MFHAS1: variants seen among roughly 807,000 people sequenced by gnomAD.
MFHAS1 encodes the protein multifunctional ROCO family signaling regulator 1.
A neutral mutation model predicts 70.4 loss-of-function variants in MFHAS1; 50 were observed. The observed-to-expected ratio is 0.71, with a 90% CI of 0.57 to 0.90. The LOEUF is 0.90. MFHAS1 is among the 40% of genes least tolerant of loss of function. MFHAS1 has a pLI of 0.00. For missense variants in MFHAS1, 1,795 were observed against 1,347.6 expected, an observed-to-expected ratio of 1.33 and a Z score of -5.20; for synonymous variants, 952 against 620.0, an observed-to-expected ratio of 1.54 and a Z score of -7.96.
chr8:8,810,607 T>C (rs767385956), intron 1 of MFHAS1, among the ~76,000 whole-genome samples: 17 of 152,212 alleles, frequency 1.1e-4, no homozygotes, highest in Non-Finnish European at 2.2e-4. Context: ...TTCTAAACAT[T>C]TTCTTTCCCC....
At chr8:8,800,027 C>G (rs1240592106) in intron 1 of MFHAS1, among the ~76,000 whole-genome samples, 1 of 152,242 alleles carries the variant, frequency 6.6e-6, no homozygotes, top group African/African-American at 2.4e-5. Context: ...GGCCCTTACT[C>G]TTTGCCCCCA....
chr8:8,890,717 C>A lies in MFHAS1; in HGVS notation c.2342G>T (p.Arg781Leu), dbSNP rs550424418. 1.1e-5 allele frequency: 18 copies of A among 1,613,566 alleles called. 1 individual carries two copies. The highest frequency in any genetic ancestry group is 1.1e-4 in the African/African-American group (8 of 75,052). Residue 781 changes from arginine (R) to leucine (L), a missense_variant, in exon 1 of 3, where the codon CGG (arginine) becomes CTG (leucine). Arg to Leu is a moderately radical substitution (Grantham distance 102). Transcript: ENST00000276282. ...CACATACTGATGGAGCTGGGTGGCC[C>A]GGAGCAGTTCCTGGCTGGGGGTGGA... ...ARSTPSQELLRATQLHQYVEG... is the reference protein window; with the variant it reads ...ARSTPSQELLLATQLHQYVEG...
In MFHAS1 at chr8:8,888,408, G is replaced by A. The variant is rs1809853200; in HGVS notation, c.2998+1653C>T. ...CATCACCCCTCCGGGTCCCCTGGGG[G>A]TGGGGACCCAGGTGAGAAACGTGCA... On this transcript the variant is annotated intron_variant, in intron 1 of 2. Coordinates refer to ENST00000276282, the MANE Select transcript of MFHAS1 (RefSeq NM_004225.3). Among the ~76,000 whole-genome samples, 10 of 152,244 alleles carry A rather than the reference G, an allele frequency of 6.6e-5. No homozygotes were observed. The South Asian group carries it at 2.1e-3, about 32-fold the overall frequency.
At chr8:8,850,906 A>T (rs545531562) in intron 1 of MFHAS1, among the ~76,000 whole-genome samples, 1 of 151,360 alleles carries the variant, frequency 6.6e-6, no homozygotes, top group East Asian at 1.9e-4. Context: ...CACTCACGTA[A>T]TCTCAGCGAT....
chr8:8,834,847 G>T (rs1237051837), intron 1 of MFHAS1, among the ~76,000 whole-genome samples: 1 of 152,156 alleles, frequency 6.6e-6, no homozygotes, highest in East Asian at 1.9e-4. Flanking sequence ...GGCCCCCAGT[G>T]AACTCACAGA....
At chr8:8,794,260 G>GT (rs1563176566) in intron 2 of MFHAS1, among the ~76,000 whole-genome samples, 1 of 152,152 alleles carries the variant, frequency 6.6e-6, no homozygotes, top group East Asian at 1.9e-4. Context: ...TTGAAAGCCA[G>GT]TGCAATAGCC....
intron 1 of MFHAS1, among the ~76,000 whole-genome samples, chr8:8,883,094 A>G (rs575364001): frequency 2.6e-5 from 4 of 152,276 alleles, no homozygotes; most frequent in Non-Finnish European, 4.4e-5. Flanking sequence ...TGGAGGTTGC[A>G]GTGAGCCATG....
chr8:8,824,543 A>T (rs3958876), intron 1 of MFHAS1, among the ~76,000 whole-genome samples: 1 of 52,728 alleles, frequency 1.9e-5, no homozygotes, highest in African/African-American at 4.1e-5. Flanking sequence ...ACACACACAC[A>T]CACACACACA....
At chr8:8,834,102 G>A (rs560777590) in intron 1 of MFHAS1, among the ~76,000 whole-genome samples, 148 of 150,854 alleles carry the variant, frequency 9.8e-4, no homozygotes, top group Non-Finnish European at 1.9e-3. Flanking sequence ...CTCCAGCCTG[G>A]GCAACCGAGT....
At chr8:8,885,499 T>A (rs1337482117) in intron 1 of MFHAS1, among the ~76,000 whole-genome samples, 6 of 152,132 alleles carry the variant, frequency 3.9e-5, no homozygotes, top group African/African-American at 1.4e-4. Context: ...GTACCCTCAC[T>A]CAACTTCAAG....
chr8:8,890,062 T>C lies in MFHAS1; in HGVS notation c.2997A>G (p.Pro999=), dbSNP rs749433850. 7 of 1,588,298 alleles carry C rather than the reference T, an allele frequency of 4.4e-6. No homozygotes were observed. Among genetic ancestry groups the C allele is most frequent in the Non-Finnish European group, 6.0e-6 (7 of 1,163,740 alleles). The change falls in exon 1 of 3, where the codon CCA becomes CCG. Residue 999 remains proline, a splice_region_variant and synonymous_variant. Transcript: ENST00000276282. ...KRGSPNPHAF[P]GELLSQPRPE... ...GAACTTCTCCCTCTCTCCACTTACC[T>C]GGAAAAGCATGTGGATTGGGCGATC...
At chr8:8,834,534 T>G (rs1222197173) in intron 1 of MFHAS1, among the ~76,000 whole-genome samples, 1 of 152,232 alleles carries the variant, frequency 6.6e-6, no homozygotes, top group Non-Finnish European at 1.5e-5. Context: ...AGTACCACTG[T>G]GTTATAATTG....
At chr8:8,802,801 T>A (rs906840234) in intron 1 of MFHAS1, among the ~76,000 whole-genome samples, 3 of 152,128 alleles carry the variant, frequency 2.0e-5, no homozygotes, top group South Asian at 4.1e-4. Flanking sequence ...GAAAGCAGGC[T>A]ACAGAACTTT....
chr8:8,814,695 T>C (rs140900300), intron 1 of MFHAS1, among the ~76,000 whole-genome samples: 3 of 152,056 alleles, frequency 2.0e-5, no homozygotes, highest in Admixed American at 2.0e-4. Flanking sequence ...AGAAAATAAA[T>C]AAAATAATTT....
rs780291310 is a variant in MFHAS1 at position 8,890,864 on chromosome 8, C to T, written c.2195G>A (p.Arg732His). 5.0e-6 allele frequency: 8 copies of T among 1,614,122 alleles called. No individual in the cohort carries two copies. The highest frequency in any genetic ancestry group is 2.2e-5 in the East Asian group (1 of 44,878). ...LKEHVFHNLT[R>H]LIDILNVFFQ... ...GAAGACATTGAGGATGTCGATGAGGCGGGTGAGGTTGTGGAAGACGTGCTC... is the reference window on the plus strand; with the variant it reads ...GAAGACATTGAGGATGTCGATGAGGTGGGTGAGGTTGTGGAAGACGTGCTC... Residue 732 changes from arginine to histidine, a missense_variant, in exon 1 of 3, where the codon CGC becomes CAC. By Grantham distance (29) the Arg-to-His change is conservative. Coordinates refer to ENST00000276282, the MANE Select transcript of MFHAS1 (RefSeq NM_004225.3).
At chr8:8,858,500 G>C (rs1424251589) in intron 1 of MFHAS1, among the ~76,000 whole-genome samples, 1 of 152,136 alleles carries the variant, frequency 6.6e-6, no homozygotes, top group Admixed American at 6.5e-5. Context: ...TAGAGCAACA[G>C]ATGAGACCTA....
intron 1 of MFHAS1, among the ~76,000 whole-genome samples, chr8:8,847,593 T>C (rs1808083199): frequency 6.6e-6 from 1 of 152,218 alleles, no homozygotes; most frequent in Admixed American, 6.5e-5. Flanking sequence ...CTGGTGGTTA[T>C]ATACTAAGAA....
chr8:8,811,558 G>A (rs1364191574), intron 1 of MFHAS1, among the ~76,000 whole-genome samples: 3 of 152,192 alleles, frequency 2.0e-5, no homozygotes, highest in African/African-American at 7.2e-5. Context: ...GATTACCGGC[G>A]TGAGCCGCCA....
At chr8:8,796,222 T>C (rs1423006973) in intron 2 of MFHAS1, among the ~76,000 whole-genome samples, 3 of 152,162 alleles carry the variant, frequency 2.0e-5, no homozygotes, top group African/African-American at 7.2e-5. Context: ...AAGTCCATTT[T>C]GGGGCAAGGT....
Sources: gnomAD v4.1 joint callset for allele counts (sites outside exome capture counted in the v4.1 genomes callset) on GRCh38, gnomAD v4.1.1 for gene constraint, MANE v1.5 for transcripts, NCBI Gene and HGNC (gene_info 2026-07-23, HGNC 2026-07-21) for gene names.